Variants in PRKD1 observed in about 807,000 individuals in gnomAD.
PRKD1 encodes serine/threonine-protein kinase D1.
In PRKD1, 63 loss-of-function variants were observed where a neutral mutation model predicts 95.9. That is an observed-to-expected ratio of 0.66 (90% CI 0.54 to 0.81). The LOEUF is 0.81. Among genes scored for constraint, PRKD1 ranks in the 30% least tolerant of loss-of-function variants. The pLI, the probability that PRKD1 is intolerant of heterozygous loss-of-function variation, is 0.00. For missense variants in PRKD1, 1,048 were observed against 1,165.3 expected, an observed-to-expected ratio of 0.90 and a Z score of 1.47; for synonymous variants, 425 against 423.1, an observed-to-expected ratio of 1.00 and a Z score of -0.05.
chr14:29,906,524 A>C (rs1894502542), intron 1 of PRKD1, among the ~76,000 whole-genome samples: 1 of 146,290 alleles, frequency 6.8e-6, no homozygotes, highest in African/African-American at 2.8e-5. Flanking sequence ...ACCTTGTATC[A>C]ATTTAACCAA....
At chr14:29,683,084 C>T (rs553416267) in intron 2 of PRKD1, among the ~76,000 whole-genome samples, 7 of 152,182 alleles carry the variant, frequency 4.6e-5, no homozygotes, top group Admixed American at 1.3e-4. Context: ...AGATCATGGC[C>T]AGGTTACTGG....
At chr14:29,737,185 G>A (rs1380876759) in intron 1 of PRKD1, among the ~76,000 whole-genome samples, 3 of 150,734 alleles carry the variant, frequency 2.0e-5, no homozygotes, top group Non-Finnish European at 4.4e-5. Flanking sequence ...AGCCGGGCGC[G>A]GTGGCGGGCG....
At chr14:29,738,367 C>T (rs779662114) in intron 1 of PRKD1, among the ~76,000 whole-genome samples, 2 of 152,154 alleles carry the variant, frequency 1.3e-5, no homozygotes, top group Non-Finnish European at 2.9e-5. Context: ...ACCACCACCA[C>T]TCCCTGCCAA....
chr14:29,610,152 TCACAGGGCATC>T (rs1282388550), intron 13 of PRKD1, among the ~76,000 whole-genome samples: 2 of 152,054 alleles, frequency 1.3e-5, no homozygotes, highest in Non-Finnish European at 2.9e-5. Flanking sequence ...TTTCTACCCA[TCACAGGGCATC>T]CTTCAGAAAA....
chr14:29,753,072 G>T (rs1887550548), intron 1 of PRKD1, among the ~76,000 whole-genome samples: 1 of 151,856 alleles, frequency 6.6e-6, no homozygotes, highest in Non-Finnish European at 1.5e-5. Flanking sequence ...GATAGAAAGG[G>T]GGAAAATGCA....
intron 1 of PRKD1, among the ~76,000 whole-genome samples, chr14:29,843,394 A>G (rs1177993171): frequency 6.6e-6 from 1 of 152,182 alleles, no homozygotes; most frequent in Non-Finnish European, 1.5e-5. Flanking sequence ...AGCTCCAGAA[A>G]ATAAATATGG....
intron 2 of PRKD1, among the ~76,000 whole-genome samples, chr14:29,687,736 C>A (rs1214681918): frequency 6.6e-6 from 1 of 152,198 alleles, no homozygotes; most frequent in African/African-American, 2.4e-5. Context: ...ACAGTAACTG[C>A]TTAAGAGTCT....
intron 2 of PRKD1, among the ~76,000 whole-genome samples, chr14:29,680,862 T>C (rs894676062): frequency 6.6e-6 from 1 of 151,982 alleles, no homozygotes; most frequent in South Asian, 2.1e-4. Flanking sequence ...AAGAAGTAGA[T>C]GGAGGAATTG....
chr14:29,817,983 G>A (rs191523053), intron 1 of PRKD1, among the ~76,000 whole-genome samples: 4 of 152,184 alleles, frequency 2.6e-5, no homozygotes, highest in African/African-American at 4.8e-5. Flanking sequence ...TTTTTAGGAG[G>A]TTATCATAAA....
chr14:29,713,972 A>T (rs2139363568), intron 2 of PRKD1, among the ~76,000 whole-genome samples: 1 of 152,310 alleles, frequency 6.6e-6, no homozygotes, highest in African/African-American at 2.4e-5. Context: ...AGGGTATTCT[A>T]TGTAACACAC....
At chr14:29,715,832 A>G (rs565672665) in intron 2 of PRKD1, among the ~76,000 whole-genome samples, 34 of 152,322 alleles carry the variant, frequency 2.2e-4, no homozygotes, top group African/African-American at 7.5e-4. Flanking sequence ...ATGGATTGTG[A>G]TATTTTTGAA....
intron 1 of PRKD1, among the ~76,000 whole-genome samples, chr14:29,853,530 T>A (rs1235659185): frequency 6.6e-6 from 1 of 152,204 alleles, no homozygotes; most frequent in Non-Finnish European, 1.5e-5. Context: ...AGCTTATATT[T>A]CTAGACAGTG....
intron 1 of PRKD1, among the ~76,000 whole-genome samples, chr14:29,868,714 A>T (rs1489850789): frequency 6.6e-6 from 1 of 152,210 alleles, no homozygotes; most frequent in Non-Finnish European, 1.5e-5. Flanking sequence ...ACACATTTTT[A>T]AAAAGCAAAA....
intron 1 of PRKD1, among the ~76,000 whole-genome samples, chr14:29,794,671 C>A (rs1889729516): frequency 1.3e-5 from 2 of 152,038 alleles, no homozygotes; most frequent in Non-Finnish European, 2.9e-5. Context: ...TGCCCCTTCT[C>A]ATTCTTCCCT....
intron 2 of PRKD1, among the ~76,000 whole-genome samples, chr14:29,699,509 C>T (rs928937319): frequency 1.3e-5 from 2 of 151,988 alleles, no homozygotes; most frequent in African/African-American, 4.8e-5. Context: ...GATTAATTTA[C>T]TTGTTTTTAT....
At chr14:29,795,005 A>G (rs1210507121) in intron 1 of PRKD1, among the ~76,000 whole-genome samples, 2 of 152,082 alleles carry the variant, frequency 1.3e-5, no homozygotes, top group African/African-American at 2.4e-5. Context: ...TTACATTTCT[A>G]TAATATTACT....
At chr14:29,580,231 G>C (rs1418967375) in intron 16 of PRKD1, among the ~76,000 whole-genome samples, 1 of 152,196 alleles carries the variant, frequency 6.6e-6, no homozygotes, top group African/African-American at 2.4e-5. Flanking sequence ...TGCATAATGG[G>C]GAGGGAAGTA....
intron 1 of PRKD1, among the ~76,000 whole-genome samples, chr14:29,895,719 C>T (rs1894101531): frequency 6.6e-6 from 1 of 152,132 alleles, no homozygotes; most frequent in Non-Finnish European, 1.5e-5. Context: ...TTTGCACTGA[C>T]TGTTCTTTCT....
At chr14:29,638,290 T>G in intron 6 of PRKD1, 199 bp downstream of exon 6, 1 of 584,264 alleles carries the variant, frequency 1.7e-6, no homozygotes, top group South Asian at 2.3e-5. Context: ...GTAAAGATCA[T>G]GAAAGGGTCT....
Sources: gnomAD v4.1 joint callset for allele counts (sites outside exome capture counted in the v4.1 genomes callset) on GRCh38, gnomAD v4.1.1 for gene constraint, MANE v1.5 for transcripts, NCBI Gene and HGNC (gene_info 2026-07-23, HGNC 2026-07-21) for gene names.